GPC3: variants seen among roughly 807,000 people sequenced by gnomAD.
GPC3 encodes glypican 3.
A neutral mutation model predicts 34.4 loss-of-function variants in GPC3; 3 were observed. The observed-to-expected ratio is 0.09, with a 90% CI of 0.04 to 0.23. The LOEUF (loss-of-function observed/expected upper bound fraction) is 0.23. Among genes scored for constraint, GPC3 ranks in the 10% least tolerant of loss-of-function variants. The pLI, the probability that GPC3 is intolerant of heterozygous loss-of-function variation, is 1.00. For synonymous variants in GPC3, 177 were observed against 174.0 expected, an observed-to-expected ratio of 1.02 and a Z score of -0.13; for missense variants, 351 against 445.6, an observed-to-expected ratio of 0.79 and a Z score of 1.91.
At chrX:133,906,078 A>G (rs1428848521) in intron 2 of GPC3, among the ~76,000 whole-genome samples, 1 of 112,201 alleles carries the variant, frequency 8.9e-6, no homozygotes, top group Non-Finnish European at 1.9e-5. Flanking sequence ...CACATTCTTA[A>G]TGAAACCAGA....
chrX:133,677,221 A>G (rs1366429680), intron 5 of GPC3, among the ~76,000 whole-genome samples: 1 of 111,797 alleles, frequency 8.9e-6, no homozygotes, highest in Non-Finnish European at 1.9e-5. Flanking sequence ...TGTAGCTCCA[A>G]TAATACCTGG....
At chrX:133,821,134 A>G (rs2075717004) in intron 2 of GPC3, among the ~76,000 whole-genome samples, 1 of 111,860 alleles carries the variant, frequency 8.9e-6, no homozygotes, top group South Asian at 3.7e-4. Flanking sequence ...TTTTTTCAAC[A>G]CCTGGTGAAT....
At chrX:133,958,478 G>A (rs1363349442) in intron 1 of GPC3, among the ~76,000 whole-genome samples, 6 of 104,124 alleles carry the variant, frequency 5.8e-5, no homozygotes, top group Admixed American at 1.0e-4. Flanking sequence ...CTCAGAGGTC[G>A]AGGCTATAGT....
intron 2 of GPC3, among the ~76,000 whole-genome samples, chrX:133,838,378 C>T (rs1161014894): frequency 1.8e-5 from 2 of 112,327 alleles, no homozygotes; most frequent in Non-Finnish European, 3.8e-5. Context: ...GTCTTTGCCT[C>T]AAAGGGTCCC....
chrX:133,837,922 A>T (rs1171950384), intron 2 of GPC3, among the ~76,000 whole-genome samples: 1 of 112,277 alleles, frequency 8.9e-6, no homozygotes, highest in Non-Finnish European at 1.9e-5. Context: ...CTCTTAGTGC[A>T]ATTATACAAA....
chrX:133,656,647 G>T (rs2070668118), intron 6 of GPC3, among the ~76,000 whole-genome samples: 1 of 111,848 alleles, frequency 8.9e-6, no homozygotes, highest in Admixed American at 9.5e-5. Context: ...TCACCTATCT[G>T]GCCCTGGAGG....
intron 7 of GPC3, among the ~76,000 whole-genome samples, chrX:133,589,483 TCTC>T (rs2069825190): frequency 9.0e-6 from 1 of 111,287 alleles, no homozygotes; most frequent in Non-Finnish European, 1.9e-5. Context: ...TTCAAGCCAT[TCTC>T]CTCCCTCAGC....
At chrX:133,566,204 C>A (rs2069580643) in intron 7 of GPC3, among the ~76,000 whole-genome samples, 1 of 112,009 alleles carries the variant, frequency 8.9e-6, no homozygotes, top group Admixed American at 9.5e-5. Flanking sequence ...ATGTGCACTG[C>A]TGGCCCATTA....
chrX:133,566,149 G>A lies in GPC3; in HGVS notation c.1574-29856C>T, dbSNP rs1343876957. On this transcript the variant is annotated intron_variant, in intron 7 of 7. Coordinates refer to ENST00000370818, the MANE Select transcript of GPC3 (RefSeq NM_004484.4). The stretch of plus-strand genomic sequence containing the variant: ...GGAACTTCCTTTTAAGCACAATTGA[G>A]CTTTACACATAGAACTTGTCAGGTT... Among the ~76,000 whole-genome samples, 39 of 112,237 alleles carry A rather than the reference G, an allele frequency of 3.5e-4. 1 individual carries two copies. In the Admixed American group the frequency reaches 3.5e-3, roughly 10 times the overall value.
intron 2 of GPC3, among the ~76,000 whole-genome samples, chrX:133,915,157 A>C (rs1224230585): frequency 9.2e-6 from 1 of 108,544 alleles, no homozygotes; most frequent in African/African-American, 3.4e-5. Flanking sequence ...AATTTAACAA[A>C]AATAATTGTC....
chrX:133,745,984 G>A (rs1224863945), intron 3 of GPC3, among the ~76,000 whole-genome samples: 1 of 112,107 alleles, frequency 8.9e-6, no homozygotes, highest in African/African-American at 3.2e-5. Context: ...AAATATTTGA[G>A]TTCCCTAAGT....
rs1314686062 is a variant in GPC3, at chrX:133,535,762, TA to T, written c.*361del. 11 of 222,810 alleles carry T rather than the reference TA, an allele frequency of 4.9e-5. No homozygotes were observed. In the Admixed American group the frequency reaches 5.2e-4, roughly 11 times the overall value. 18.4% of individuals were successfully genotyped at this position (222,810 alleles called of 1,213,427 possible). On this transcript the variant is annotated 3_prime_UTR_variant, in exon 8 of 8. Transcript: ENST00000370818. The stretch of plus-strand genomic sequence containing the variant: ...CCAATACATTTTTATTTGAGCAATT[TA>T]TTTTTTTTCAAAGAAATCCATGCAA...
chrX:133,762,282 T>A (rs746353015), intron 2 of GPC3, among the ~76,000 whole-genome samples: 2 of 112,074 alleles, frequency 1.8e-5, no homozygotes, highest in South Asian at 7.4e-4. Context: ...AAGCTCTTGG[T>A]TGACATTCTG....
chrX:133,769,298 T>G (rs949358362), intron 2 of GPC3, among the ~76,000 whole-genome samples: 1 of 112,144 alleles, frequency 8.9e-6, no homozygotes, highest in African/African-American at 3.2e-5. Context: ...GATGAAGTCC[T>G]AGAGATTTAC....
intron 6 of GPC3, among the ~76,000 whole-genome samples, chrX:133,623,225 A>G (rs1026300256): frequency 3.6e-5 from 4 of 112,070 alleles, no homozygotes; most frequent in African/African-American, 1.3e-4. Flanking sequence ...TATAAAGACA[A>G]TCAAGGCTAG....
At chrX:133,927,380 TG>T (rs1254259281) in intron 2 of GPC3, among the ~76,000 whole-genome samples, 1 of 110,706 alleles carries the variant, frequency 9.0e-6, no homozygotes, top group African/African-American at 3.3e-5. Context: ...CAGAAATACA[TG>T]GGGAAAAGTT....
chrX:133,615,876 A>T (rs956773062), intron 6 of GPC3, among the ~76,000 whole-genome samples: 2 of 111,606 alleles, frequency 1.8e-5, no homozygotes, highest in African/African-American at 6.5e-5. Context: ...ATTTAAAAAA[A>T]CTCAACAAAC....
chrX:133,671,368 C>G, intron 5 of GPC3: 1 of 567,093 alleles, frequency 1.8e-6, no homozygotes, highest in Non-Finnish European at 3.2e-6. Context: ...TTGGTGCTGG[C>G]AAAAAGTCGA....
At chrX:133,712,971 C>T (rs752007634) in intron 3 of GPC3, among the ~76,000 whole-genome samples, 2 of 112,146 alleles carry the variant, frequency 1.8e-5, no homozygotes, top group Admixed American at 9.5e-5. Context: ...AGAAATCATG[C>T]CACTCTCCAA....
Sources: gnomAD v4.1 joint callset for allele counts (sites outside exome capture counted in the v4.1 genomes callset) on GRCh38, gnomAD v4.1.1 for gene constraint, MANE v1.5 for transcripts, NCBI Gene and HGNC (gene_info 2026-07-23, HGNC 2026-07-21) for gene names.